The following MAGI2 variants were observed in gnomAD, a reference collection of about 807,000 sequenced individuals.
MAGI2 encodes membrane-associated guanylate kinase, WW and PDZ domain-containing protein 2.
In MAGI2, 35 loss-of-function variants were observed where a neutral mutation model predicts 133.3. The ratio of observed to expected loss-of-function variants is 0.26; its 90% confidence interval spans 0.20 to 0.35. The LOEUF is 0.35. Ranked by LOEUF, MAGI2 falls within the 10% of genes least tolerant of loss-of-function variation. MAGI2 has a pLI of 1.00. For missense variants in MAGI2, 1,636 were observed against 1,863.4 expected (o/e 0.88, Z 2.25); for synonymous variants, 729 against 710.6 (o/e 1.03, Z -0.41).
intron 21 of MAGI2, among the ~76,000 whole-genome samples, chr7:78,031,594 G>A (rs974296872): frequency 1.3e-5 from 2 of 152,122 alleles, no homozygotes; most frequent in Admixed American, 6.6e-5. Flanking sequence ...AATTAAAGAG[G>A]TTTTACTTTA....
At position 78,964,050 on chromosome 7, in the gene MAGI2, G is replaced by T. The variant is rs545053321; in HGVS notation, c.418+43040C>A. ...TTGCTTGTTTGATAATTCCACTGGTGTTAGATATGTTTTATCTGAGGGAAG... is the reference window on the plus strand; with the variant it reads ...TTGCTTGTTTGATAATTCCACTGGTTTTAGATATGTTTTATCTGAGGGAAG... On this transcript the variant is annotated intron_variant, in intron 2 of 21. Transcript: ENST00000354212. Among the ~76,000 whole-genome samples the T allele has an allele frequency of 3.7e-4, 56 of 152,046 alleles. No individual in the cohort carries two copies. The South Asian group carries it at 0.012, about 32-fold the overall frequency.
Position 78,256,568 on chromosome 7 carries a change from G to C in MAGI2, c.1422C>G (p.Val474=). 2 of 1,612,160 alleles carry C rather than the reference G, an allele frequency of 1.2e-6. No individual in the cohort carries two copies. The highest frequency in any genetic ancestry group is 1.1e-5 in the South Asian group (1 of 90,618). The change falls in exon 10 of 22, where the codon GTC becomes GTG. Residue 474 remains valine, a synonymous_variant. Transcript: ENST00000354212. The part of the protein sequence containing the change: ...DGKMETGDVI[V]YINEVCVLGH... Reference sequence around the variant, plus strand: ...CAAGGACACAAACTTCATTAATATAGACAATGACATCACCTGTAAGAAAAA... The same window carrying C: ...CAAGGACACAAACTTCATTAATATACACAATGACATCACCTGTAAGAAAAA...
At chr7:78,542,355 A>G (rs1009264753) in intron 3 of MAGI2, among the ~76,000 whole-genome samples, 1 of 152,198 alleles carries the variant, frequency 6.6e-6, no homozygotes, top group African/African-American at 2.4e-5. Flanking sequence ...ATCATTCATT[A>G]ACTGAATACT....
intron 1 of MAGI2, among the ~76,000 whole-genome samples, chr7:79,287,946 A>G (rs1406160387): frequency 6.6e-6 from 1 of 152,138 alleles, no homozygotes; most frequent in Non-Finnish European, 1.5e-5. Context: ...ACATTTTGAA[A>G]ATTTCAAAAA....
At chr7:78,230,886 A>G (rs1480110899) in intron 10 of MAGI2, among the ~76,000 whole-genome samples, 2 of 152,168 alleles carry the variant, frequency 1.3e-5, no homozygotes, top group African/African-American at 4.8e-5. Flanking sequence ...AGCATCACTG[A>G]CTGACTTTCA....
At chr7:79,282,639 A>G (rs1157360248) in intron 1 of MAGI2, among the ~76,000 whole-genome samples, 1 of 152,152 alleles carries the variant, frequency 6.6e-6, no homozygotes, top group African/African-American at 2.4e-5. Flanking sequence ...TAAGGAGGAG[A>G]ACCCTTACTG....
At chr7:79,122,106 T>C (rs1037638985) in intron 1 of MAGI2, among the ~76,000 whole-genome samples, 3 of 152,214 alleles carry the variant, frequency 2.0e-5, no homozygotes, top group African/African-American at 7.2e-5. Flanking sequence ...GGAAGGGGTC[T>C]CATTGCTCCA....
chr7:79,230,359 A>G (rs1831256540), intron 1 of MAGI2, among the ~76,000 whole-genome samples: 1 of 152,082 alleles, frequency 6.6e-6, no homozygotes, highest in Admixed American at 6.5e-5. Flanking sequence ...TCCCTGAGGA[A>G]TCGCCACACC....
intron 1 of MAGI2, among the ~76,000 whole-genome samples, chr7:79,128,363 C>G (rs924756232): frequency 6.6e-5 from 10 of 152,102 alleles, no homozygotes; most frequent in African/African-American, 2.4e-4. Flanking sequence ...ACATTACAAA[C>G]AAAGTAGTGT....
intron 9 of MAGI2, among the ~76,000 whole-genome samples, chr7:78,325,868 TC>T (rs1256926292): frequency 2.0e-5 from 3 of 152,226 alleles, no homozygotes; most frequent in Non-Finnish European, 4.4e-5. Flanking sequence ...TAACTTCTTT[TC>T]TGACTTCTGT....
intron 10 of MAGI2, among the ~76,000 whole-genome samples, chr7:78,212,036 TG>T (rs1463713391): frequency 6.6e-6 from 1 of 152,256 alleles, no homozygotes; most frequent in African/African-American, 2.4e-5. Flanking sequence ...TTTTATGAAT[TG>T]CTTCTAACTT....
chr7:79,310,741 C>G (rs1039237363), intron 1 of MAGI2, among the ~76,000 whole-genome samples: 8 of 152,110 alleles, frequency 5.3e-5, no homozygotes, highest in Middle Eastern at 3.2e-3. Context: ...GACCCCATAT[C>G]AAGTAAAATT....
At chr7:78,631,940 A>G (rs945253424) in intron 2 of MAGI2, among the ~76,000 whole-genome samples, 3 of 152,248 alleles carry the variant, frequency 2.0e-5, no homozygotes, top group African/African-American at 7.2e-5. Flanking sequence ...AAATGGGAAC[A>G]ATAGTAGTAG....
chr7:78,746,227 G>A (rs1822915317), intron 2 of MAGI2, among the ~76,000 whole-genome samples: 1 of 152,152 alleles, frequency 6.6e-6, no homozygotes, highest in Admixed American at 6.5e-5. Flanking sequence ...TTCACTTAAA[G>A]TTTTTGAAGA....
At chr7:78,740,221 C>T (rs1424404594) in intron 2 of MAGI2, among the ~76,000 whole-genome samples, 1 of 151,746 alleles carries the variant, frequency 6.6e-6, no homozygotes. Flanking sequence ...CTATTACTGG[C>T]CTTATTCTGG....
chr7:78,321,715 G>A (rs1788022374), intron 9 of MAGI2, among the ~76,000 whole-genome samples: 2 of 152,108 alleles, frequency 1.3e-5, no homozygotes, highest in Admixed American at 1.3e-4. Context: ...CATGGGCAAG[G>A]ACTTCATGAC....
At chr7:78,060,363 C>A (rs928410363) in intron 21 of MAGI2, among the ~76,000 whole-genome samples, 3 of 145,612 alleles carry the variant, frequency 2.1e-5, no homozygotes, top group Admixed American at 1.3e-4. Context: ...AGAATGATGA[C>A]CTCGTTCTGA....
At chr7:79,216,276 C>T (rs565787530) in intron 1 of MAGI2, among the ~76,000 whole-genome samples, 1 of 151,868 alleles carries the variant, frequency 6.6e-6, no homozygotes, top group Non-Finnish European at 1.5e-5. Flanking sequence ...CCACTCCATC[C>T]CCTTTGTAGC....
At chr7:78,591,333 G>A (rs931343373) in intron 3 of MAGI2, among the ~76,000 whole-genome samples, 1 of 152,186 alleles carries the variant, frequency 6.6e-6, no homozygotes, top group Non-Finnish European at 1.5e-5. Flanking sequence ...ATAAACAAGA[G>A]CGGGTTAGAG....
Sources: gnomAD v4.1 joint callset for allele counts (sites outside exome capture counted in the v4.1 genomes callset) on GRCh38, gnomAD v4.1.1 for gene constraint, MANE v1.5 for transcripts, NCBI Gene and HGNC (gene_info 2026-07-23, HGNC 2026-07-21) for gene names.